HHAT: variants seen among roughly 807,000 people sequenced by gnomAD.
HHAT encodes hedgehog acyltransferase.
In HHAT, 47 loss-of-function variants were observed where a neutral mutation model predicts 70.8. That is an observed-to-expected ratio of 0.66 (90% CI 0.53 to 0.85). HHAT has a LOEUF of 0.85. HHAT is among the 40% of genes least tolerant of loss of function. The probability of loss-of-function intolerance (pLI) is 0.00; values close to 1 mark genes in which losing one functional copy is unlikely to be tolerated. For synonymous variants in HHAT, 228 were observed against 247.6 expected, an observed-to-expected ratio of 0.92 and a Z score of 0.74; for missense variants, 609 against 604.8, an observed-to-expected ratio of 1.01 and a Z score of -0.07.
chr1:210,390,007 T>C (rs1320572160), intron 4 of HHAT, among the ~76,000 whole-genome samples: 2 of 152,090 alleles, frequency 1.3e-5, no homozygotes, highest in Admixed American at 6.6e-5. Flanking sequence ...ATGAGCTTCA[T>C]TGGTTAGACA....
At chr1:210,384,695 A>G (rs566921618) in intron 3 of HHAT, among the ~76,000 whole-genome samples, 1 of 152,304 alleles carries the variant, frequency 6.6e-6, no homozygotes, top group South Asian at 2.1e-4. Context: ...GTGCCAAAGA[A>G]GAGGTTCCTA....
At position 210,530,632 on chromosome 1, in the gene HHAT, T is replaced by C. The variant is rs1051673945; in HGVS notation, c.1043+17444T>C. Among the ~76,000 whole-genome samples, 12 of 152,204 alleles carry C rather than the reference T, an allele frequency of 7.9e-5. No individual in the cohort carries two copies. The South Asian group carries it at 1.0e-3, about 13-fold the overall frequency. On this transcript the variant is annotated intron_variant, in intron 9 of 11. Coordinates refer to ENST00000261458, the MANE Select transcript of HHAT (RefSeq NM_018194.6). ...AGGCCGGGAGAGATGGAGAAAAGCA[T>C]TTGCAGACTTTGCACGGACTTGAGT...
At chr1:210,387,387 T>C (rs2091159483) in intron 3 of HHAT, 81 bp from the exon 4 acceptor site, 2 of 1,196,746 alleles carry the variant, frequency 1.7e-6, no homozygotes, top group Non-Finnish European at 2.5e-6. Flanking sequence ...TGGCCTTCTT[T>C]CCAGTTTTAT....
chr1:210,646,226 A>G (rs955987305), intron 11 of HHAT, among the ~76,000 whole-genome samples: 4 of 152,226 alleles, frequency 2.6e-5, no homozygotes, highest in African/African-American at 9.7e-5. Flanking sequence ...GGTTTTTGTT[A>G]CAAGAGACTT....
At chr1:210,601,900 T>C (rs987410284) in intron 10 of HHAT, among the ~76,000 whole-genome samples, 1 of 150,570 alleles carries the variant, frequency 6.6e-6, no homozygotes, top group African/African-American at 2.5e-5. Context: ...TGGGACCATA[T>C]AGATGATATT....
At chr1:210,611,290 T>A (rs1345711748) in intron 10 of HHAT, among the ~76,000 whole-genome samples, 2 of 152,112 alleles carry the variant, frequency 1.3e-5, no homozygotes, top group Non-Finnish European at 2.9e-5. Flanking sequence ...GGGAGTTAAT[T>A]CATGATTTAG....
intron 11 of HHAT, among the ~76,000 whole-genome samples, chr1:210,625,487 A>G (rs1350473722): frequency 6.6e-6 from 1 of 152,222 alleles, no homozygotes; most frequent in Non-Finnish European, 1.5e-5. Context: ...ACACACAAAA[A>G]TGTGCAGTAG....
At chr1:210,356,044 G>A (rs1421445270) in intron 2 of HHAT, among the ~76,000 whole-genome samples, 1 of 151,824 alleles carries the variant, frequency 6.6e-6, no homozygotes, top group African/African-American at 2.4e-5. Flanking sequence ...GGCCTCCTAA[G>A]TAGCTAGGAC....
intron 11 of HHAT, among the ~76,000 whole-genome samples, chr1:210,640,383 G>A (rs1672749788): frequency 6.6e-6 from 1 of 152,140 alleles, no homozygotes; most frequent in African/African-American, 2.4e-5. Flanking sequence ...GCCTTATGAA[G>A]AGAATTGTTT....
intron 8 of HHAT, among the ~76,000 whole-genome samples, chr1:210,488,836 T>C (rs2094510621): frequency 6.6e-6 from 1 of 152,176 alleles, no homozygotes; most frequent in East Asian, 1.9e-4. Context: ...GAGATCGCAG[T>C]GAGCCAACTG....
intron 1 of HHAT, among the ~76,000 whole-genome samples, chr1:210,340,242 G>GGGGAAGAAAA (rs1553313987): frequency 1.0e-5 from 1 of 99,784 alleles, no homozygotes; most frequent in African/African-American, 3.4e-5. Flanking sequence ...CTCTGTCTCA[G>GGGGAAGAAAA]AAAAAAAAAA....
At chr1:210,615,887 G>C (rs1667615813) in intron 10 of HHAT, among the ~76,000 whole-genome samples, 1 of 152,180 alleles carries the variant, frequency 6.6e-6, no homozygotes, top group South Asian at 2.1e-4. Flanking sequence ...GGGGGTCAGG[G>C]ACCCACTTGA....
At chr1:210,552,987 T>G (rs937771287) in intron 9 of HHAT, among the ~76,000 whole-genome samples, 2 of 152,198 alleles carry the variant, frequency 1.3e-5, no homozygotes, top group African/African-American at 4.8e-5. Flanking sequence ...TTTAGTGCAG[T>G]GCCTGTGTTG....
Position 210,500,335 on chromosome 1 carries a change from C to T in HHAT, c.1008-12818C>T, listed in dbSNP as rs537378507. ...AATATACATGCAGGAAGATGCTCAG[C>T]TTTTAAGATTGTATTAATAATAGCC... On this transcript the variant is annotated intron_variant, in intron 8 of 11. Coordinates refer to ENST00000261458, the MANE Select transcript of HHAT (RefSeq NM_018194.6). 5.3e-5 allele frequency among the ~76,000 whole-genome samples: 8 copies of T among 152,336 alleles called. No homozygotes were observed. In the South Asian group the frequency reaches 1.7e-3, roughly 32 times the overall value.
chr1:210,647,124 C>G (rs936464287), intron 11 of HHAT, among the ~76,000 whole-genome samples: 19 of 152,192 alleles, frequency 1.2e-4, no homozygotes, highest in South Asian at 2.1e-4. Flanking sequence ...AGCGCATTCT[C>G]TCTTCGAGAC....
intron 3 of HHAT, among the ~76,000 whole-genome samples, chr1:210,378,473 G>A (rs1439199172): frequency 1.3e-5 from 2 of 152,106 alleles, no homozygotes; most frequent in East Asian, 3.8e-4. Context: ...TGTTTTCTCT[G>A]AAGGAAAAAG....
At chr1:210,367,974 G>C (rs922972399) in intron 3 of HHAT, among the ~76,000 whole-genome samples, 1 of 147,048 alleles carries the variant, frequency 6.8e-6, no homozygotes, top group African/African-American at 2.5e-5. Flanking sequence ...CAGCCTTGCT[G>C]GGTTCTGGGG....
At chr1:210,557,769 C>T (rs1013793257) in intron 9 of HHAT, among the ~76,000 whole-genome samples, 1 of 152,186 alleles carries the variant, frequency 6.6e-6, no homozygotes, top group Non-Finnish European at 1.5e-5. Flanking sequence ...CACTGGATCC[C>T]TCCCACAACA....
chr1:210,402,401 C>T (rs2092121740), intron 5 of HHAT, among the ~76,000 whole-genome samples: 1 of 152,174 alleles, frequency 6.6e-6, no homozygotes. Flanking sequence ...TGAGTCAGGC[C>T]AATCTGCTTA....
Sources: gnomAD v4.1 joint callset for allele counts (sites outside exome capture counted in the v4.1 genomes callset) on GRCh38, gnomAD v4.1.1 for gene constraint, MANE v1.5 for transcripts, NCBI Gene and HGNC (gene_info 2026-07-23, HGNC 2026-07-21) for gene names.